Variants in ALG12 observed in about 807,000 individuals in gnomAD.
ALG12 encodes ALG12 alpha-1,6-mannosyltransferase, also known as dol-P-Man:Man(7)GlcNAc(2)-PP-Dol alpha-1,6-mannosyltransferase.
In ALG12, 36 loss-of-function variants were observed where a neutral mutation model predicts 46.0. The ratio of observed to expected loss-of-function variants is 0.78; its 90% CI spans 0.60 to 1.03. The LOEUF is 1.03. Among genes scored for constraint, ALG12 ranks in the 50% least tolerant of loss-of-function variants. The pLI is 0.00. For missense variants in ALG12, 599 were observed against 633.5 expected (o/e 0.95, Z 0.58); for synonymous variants, 326 against 291.6 (o/e 1.12, Z -1.20).
chr22:49,865,281 A>G, the ALG12 span, among the ~76,000 whole-genome samples: 28 of 152,256 alleles, frequency 1.8e-4, no homozygotes, highest in African/African-American at 6.5e-4. Flanking sequence ...TCGTTATCTT[A>G]TGTAGCCACT....
At chr22:49,871,356 C>T in the ALG12 span, among the ~76,000 whole-genome samples, 3 of 151,982 alleles carry the variant, frequency 2.0e-5, no homozygotes, top group South Asian at 2.1e-4. Flanking sequence ...TGTGGTGGCA[C>T]GCACCTGTAA....
rs996782184 is a variant in ALG12, at chr22:49,910,751, C to T, written c.296-144G>A. The T allele has an allele frequency of 4.0e-6, 4 of 988,372 alleles. No homozygotes were observed. In the Middle Eastern group the frequency reaches 7.6e-4, roughly 188 times the overall value. 61.2% of individuals were successfully genotyped at this position (988,372 alleles called of 1,614,324 possible). A position where few individuals can be genotyped will look rare whatever the true frequency, so the allele number is the denominator to read the frequency against. On this transcript the variant is annotated intron_variant, in intron 3 of 9. Coordinates refer to ENST00000330817, the MANE Select transcript of ALG12 (RefSeq NM_024105.4). The stretch of plus-strand genomic sequence containing the variant: ...CAGCTGACGGCTACGTCAGGCAAAG[C>T]AGCCTTGAGGGCATCGTCTCCATGT...
At chr22:49,872,800 G>A in the ALG12 span, among the ~76,000 whole-genome samples, 2 of 151,922 alleles carry the variant, frequency 1.3e-5, no homozygotes, top group Non-Finnish European at 2.9e-5. Flanking sequence ...TGCCTCCCAG[G>A]TTCAAGCGAA....
chr22:49,871,556 A>G, the ALG12 span, among the ~76,000 whole-genome samples: 35 of 152,238 alleles, frequency 2.3e-4, no homozygotes, highest in African/African-American at 7.9e-4. Flanking sequence ...GTCTAAAACA[A>G]TGTACCTACC....
intron 1 of ALG12, among the ~76,000 whole-genome samples, chr22:49,915,775 C>T (rs992587073): frequency 3.3e-5 from 5 of 152,264 alleles, no homozygotes; most frequent in African/African-American, 4.8e-5. Context: ...AGAGGCCAGC[C>T]GCTGTGGCCT....
At chr22:49,891,142 T>C in the ALG12 span, among the ~76,000 whole-genome samples, 2 of 152,358 alleles carry the variant, frequency 1.3e-5, no homozygotes, top group East Asian at 3.9e-4. Flanking sequence ...ACATTTGCCT[T>C]GACTAGGCCA....
chr22:49,882,132 G>C, the ALG12 span, among the ~76,000 whole-genome samples: 1 of 152,180 alleles, frequency 6.6e-6, no homozygotes, highest in Admixed American at 6.5e-5. Flanking sequence ...GTCGGGTTCA[G>C]CTCCTCCCTG....
At chr22:49,876,366 T>C in the ALG12 span, among the ~76,000 whole-genome samples, 1 of 152,206 alleles carries the variant, frequency 6.6e-6, no homozygotes, top group Non-Finnish European at 1.5e-5. Flanking sequence ...TATTGAATAG[T>C]TCTGTGGAAA....
At chr22:49,864,493 T>C in the ALG12 span, among the ~76,000 whole-genome samples, 3 of 152,158 alleles carry the variant, frequency 2.0e-5, no homozygotes, top group Non-Finnish European at 2.9e-5. Flanking sequence ...CCACGTCCGA[T>C]AAACCCATCA....
At chr22:49,882,821 G>A in the ALG12 span, among the ~76,000 whole-genome samples, 18 of 152,218 alleles carry the variant, frequency 1.2e-4, no homozygotes, top group African/African-American at 3.9e-4. Flanking sequence ...CCCACAGGAC[G>A]CCTTTCCCTT....
the ALG12 span, chr22:49,884,195 C>T: frequency 2.5e-6 from 4 of 1,607,838 alleles, no homozygotes; most frequent in African/African-American, 1.3e-5. Flanking sequence ...AGTGTGTCTG[C>T]CGTGTCCTCG....
At chr22:49,878,911 G>A in the ALG12 span, among the ~76,000 whole-genome samples, 10 of 151,936 alleles carry the variant, frequency 6.6e-5, no homozygotes, top group South Asian at 2.1e-4. Flanking sequence ...TTGGGAGGCC[G>A]AGGCGGGCAG....
the ALG12 span, among the ~76,000 whole-genome samples, chr22:49,862,858 C>T: frequency 2.6e-5 from 4 of 151,972 alleles, no homozygotes; most frequent in African/African-American, 7.3e-5. Context: ...CCCACCACCA[C>T]GCCTGGCTAA....
At chr22:49,884,615 A>G in the ALG12 span, 1 of 1,612,866 alleles carries the variant, frequency 6.2e-7, no homozygotes, top group South Asian at 1.1e-5. Context: ...CGGGGGAAGA[A>G]TGGGAAGGAC....
chr22:49,897,532 G>A (rs1326768264), downstream of ALG12, among the ~76,000 whole-genome samples: 2 of 151,950 alleles, frequency 1.3e-5, no homozygotes, highest in Non-Finnish European at 2.9e-5. Context: ...AGTGCGTAGT[G>A]GTGTCTCATT....
rs1207342629 is a variant in ALG12 at position 49,903,223 on chromosome 22, G to A, written c.*615C>T. On this transcript the variant is annotated 3_prime_UTR_variant, in exon 10 of 10. Transcript: ENST00000330817. ...TCATTATTTTCTGTAATCTTGAGAG[G>A]TTCCAATCAACATTTATTGCCTTAT... 1 of 412,146 alleles carries A rather than the reference G, an allele frequency of 2.4e-6. No individual in the cohort carries two copies. Among genetic ancestry groups the A allele is most frequent in the Non-Finnish European group, 4.8e-6 (1 of 208,392 alleles). The allele number at this position is 412,146 out of a possible 1,614,324, so 25.5% of individuals were successfully genotyped here.
At chr22:49,875,297 A>G in the ALG12 span, among the ~76,000 whole-genome samples, 1 of 151,902 alleles carries the variant, frequency 6.6e-6, no homozygotes, top group African/African-American at 2.4e-5. Context: ...TCTCTGTGGG[A>G]AGGTTTTTCA....
downstream of ALG12, among the ~76,000 whole-genome samples, chr22:49,899,257 A>G (rs539531186): frequency 1.1e-4 from 17 of 152,184 alleles, no homozygotes; most frequent in African/African-American, 4.1e-4. Context: ...CGAGTGGATC[A>G]CTCAGTCAGG....
chr22:49,877,197 T>C, the ALG12 span, among the ~76,000 whole-genome samples: 2 of 150,396 alleles, frequency 1.3e-5, no homozygotes, highest in African/African-American at 4.9e-5. Context: ...AGGCAGCATA[T>C]AGGAAGTCTT....
Sources: gnomAD v4.1 joint callset for allele counts (sites outside exome capture counted in the v4.1 genomes callset) on GRCh38, gnomAD v4.1.1 for gene constraint, MANE v1.5 for transcripts, NCBI Gene and HGNC (gene_info 2026-07-23, HGNC 2026-07-21) for gene names.